The following CTBP2 variants were observed in gnomAD, a reference collection of about 807,000 sequenced individuals.
CTBP2 encodes C-terminal-binding protein 2.
Under a neutral mutation model 80.3 loss-of-function variants are expected in CTBP2, and 30 were observed. The ratio of observed to expected loss-of-function variants is 0.37; its 90% CI spans 0.28 to 0.51. CTBP2 has a LOEUF of 0.51. Among genes scored for constraint, CTBP2 ranks in the 20% least tolerant of loss-of-function variants. The pLI is 0.93. For synonymous variants in CTBP2, 594 were observed against 587.4 expected, an observed-to-expected ratio of 1.01 and a Z score of -0.16; for missense variants, 1,212 against 1,375.3, an observed-to-expected ratio of 0.88 and a Z score of 1.88.
intron 2 of CTBP2, among the ~76,000 whole-genome samples, chr10:125,107,349 G>C (rs1851616345): frequency 6.6e-6 from 1 of 152,154 alleles, no homozygotes; most frequent in African/African-American, 2.4e-5. Flanking sequence ...CCTAGCAAAG[G>C]CCCCACGGAT....
chr10:125,158,096 C>G (rs900227528), intron 1 of CTBP2, among the ~76,000 whole-genome samples: 2 of 151,612 alleles, frequency 1.3e-5, no homozygotes, highest in Admixed American at 6.6e-5. Context: ...CCTTTGAAAT[C>G]AAGTGATTAC....
chr10:125,057,159 T>A (rs1964099749), intron 2 of CTBP2, among the ~76,000 whole-genome samples: 1 of 152,158 alleles, frequency 6.6e-6, no homozygotes. Flanking sequence ...GTTAAACGGA[T>A]TGTTAGAGAC....
In CTBP2 at chr10:124,984,581, T is replaced by C. The variant is rs1048326422; in HGVS notation, c.*4937A>G. ...TTTTTTCTGAGAAATTTCCCATTTATGTCTTTTTAAATTTAACCAGAGCAA... is the reference window on the plus strand; with the variant it reads ...TTTTTTCTGAGAAATTTCCCATTTACGTCTTTTTAAATTTAACCAGAGCAA... On this transcript the variant is annotated 3_prime_UTR_variant, in exon 9 of 9. Transcript: ENST00000309035. 7 of 551,924 alleles carry C rather than the reference T, an allele frequency of 1.3e-5. No homozygotes were observed. The highest frequency in any genetic ancestry group is 3.4e-5 in the Admixed American group (1 of 29,306). 34.2% of individuals were successfully genotyped at this position (551,924 alleles called of 1,614,324 possible).
chr10:125,032,062 A>G (rs913745391), upstream of CTBP2, among the ~76,000 whole-genome samples: 2 of 152,148 alleles, frequency 1.3e-5, no homozygotes, highest in African/African-American at 4.8e-5. Context: ...AAGAAAAAAA[A>G]AAACAAGCCC....
intron 2 of CTBP2, among the ~76,000 whole-genome samples, chr10:125,093,844 T>C (rs1180226314): frequency 2.0e-5 from 3 of 152,290 alleles, no homozygotes; most frequent in Non-Finnish European, 4.4e-5. Context: ...GAGTCACTGC[T>C]CTGCATTGGA....
intron 1 of CTBP2, among the ~76,000 whole-genome samples, chr10:125,003,986 G>A (rs1225981003): frequency 6.6e-6 from 1 of 152,362 alleles, no homozygotes; most frequent in African/African-American, 2.4e-5. Flanking sequence ...GTCTGGGGCA[G>A]GGAAGGTATG....
intron 1 of CTBP2, among the ~76,000 whole-genome samples, chr10:125,132,806 C>CA (rs1252864886): frequency 1.3e-5 from 2 of 152,214 alleles, no homozygotes; most frequent in African/African-American, 4.8e-5. Context: ...ACTGAAATAT[C>CA]AACAACAAGA....
At chr10:125,077,548 G>A (rs1186784335) in intron 2 of CTBP2, among the ~76,000 whole-genome samples, 1 of 152,100 alleles carries the variant, frequency 6.6e-6, no homozygotes, top group East Asian at 1.9e-4. Flanking sequence ...AATAGTAATC[G>A]GTGTGGTTCA....
At chr10:125,161,155 C>T (rs1344429687), upstream of CTBP2, 2 of 151,728 alleles carry the variant, frequency 1.3e-5, no homozygotes, top group South Asian at 2.1e-4. Context: ...AGATACTCCT[C>T]ACTACAAATC....
At chr10:125,122,693 G>C (rs2136048195) in intron 1 of CTBP2, 1 of 152,370 alleles carries the variant, frequency 6.6e-6, no homozygotes, top group Non-Finnish European at 1.5e-5. Context: ...TCCAAAATCA[G>C]CCAAGCCAAC....
At chr10:125,016,084 G>A (rs1297989998) in intron 1 of CTBP2, among the ~76,000 whole-genome samples, 1 of 152,222 alleles carries the variant, frequency 6.6e-6, no homozygotes, top group Non-Finnish European at 1.5e-5. Flanking sequence ...ACGGGGAAGG[G>A]GATGGTCAGG....
intron 1 of CTBP2, chr10:125,005,714 A>G: frequency 6.2e-7 from 1 of 1,612,938 alleles, no homozygotes; most frequent in Non-Finnish European, 8.5e-7. Context: ...CAACTGCCAA[A>G]TTCCACAAGA....
chr10:125,073,693 A>G (rs1351831325), intron 2 of CTBP2, among the ~76,000 whole-genome samples: 1 of 152,252 alleles, frequency 6.6e-6, no homozygotes, highest in Non-Finnish European at 1.5e-5. Flanking sequence ...TGTTATGGCT[A>G]TAGCAGCTAA....
intron 1 of CTBP2, among the ~76,000 whole-genome samples, chr10:125,025,093 T>C (rs1251633653): frequency 1.3e-5 from 2 of 152,136 alleles, no homozygotes; most frequent in African/African-American, 4.8e-5. Flanking sequence ...TCAGGGCTAT[T>C]TTCAAAAAGG....
chr10:125,114,240 C>A (rs1386503686), intron 1 of CTBP2, among the ~76,000 whole-genome samples: 1 of 152,204 alleles, frequency 6.6e-6, no homozygotes, highest in African/African-American at 2.4e-5. Context: ...ATGCCCACCC[C>A]CTCCAAGTTC....
chr10:125,073,389 G>A (rs1467604676), intron 2 of CTBP2, among the ~76,000 whole-genome samples: 1 of 152,142 alleles, frequency 6.6e-6, no homozygotes, highest in African/African-American at 2.4e-5. Context: ...AATTACAAGC[G>A]TGCACCACCA....
chr10:125,077,371 T>A (rs951033531), intron 2 of CTBP2, among the ~76,000 whole-genome samples: 3 of 152,072 alleles, frequency 2.0e-5, no homozygotes, highest in African/African-American at 7.2e-5. Flanking sequence ...AGTTGGTTTC[T>A]GACATCAGCA....
chr10:125,051,502 T>C (rs1962748689), intron 2 of CTBP2, among the ~76,000 whole-genome samples: 1 of 152,050 alleles, frequency 6.6e-6, no homozygotes, highest in Non-Finnish European at 1.5e-5. Context: ...TAGCCAGGTG[T>C]GGTGGTGGGC....
At position 124,989,295 on chromosome 10, in the gene CTBP2, G is replaced by T; in HGVS notation, c.*223C>A. On this transcript the variant is annotated 3_prime_UTR_variant, in exon 9 of 9. Transcript: ENST00000309035. ...ATGAAAAACTTAACACACAATAACAGAAGTTGGTCGTTAATAAATCACATC... is the reference window on the plus strand; with the variant it reads ...ATGAAAAACTTAACACACAATAACATAAGTTGGTCGTTAATAAATCACATC... The T allele has an allele frequency of 1.8e-6, 1 of 568,018 alleles. No homozygotes were observed. The highest frequency in any genetic ancestry group is 3.1e-5 in the Admixed American group (1 of 32,632). 35.2% of individuals were successfully genotyped at this position (568,018 alleles called of 1,614,324 possible).
Sources: allele counts gnomAD v4.1 joint callset (sites outside exome capture counted in the v4.1 genomes callset), GRCh38; gene constraint gnomAD v4.1.1; transcripts MANE v1.5; gene names NCBI Gene and HGNC (gene_info 2026-07-23, HGNC 2026-07-21).